KDM3A: variants seen among roughly 807,000 people sequenced by gnomAD.
KDM3A encodes lysine-specific demethylase 3A.
Under a neutral mutation model 158.0 loss-of-function variants are expected in KDM3A, and 60 were observed. The ratio of observed to expected loss-of-function variants is 0.38; its 90% confidence interval spans 0.31 to 0.47. KDM3A has a LOEUF of 0.47. KDM3A is among the 20% of genes least tolerant of loss of function. The probability of loss-of-function intolerance (pLI) is 0.99; values close to 1 mark genes in which losing one functional copy is unlikely to be tolerated. For missense variants in KDM3A, 1,319 were observed against 1,574.3 expected (o/e 0.84, Z 2.74); for synonymous variants, 608 against 549.3 (o/e 1.11, Z -1.49).
rs1276814740 is a variant in KDM3A, at chr2:86,480,167, ACTT to A, written c.2321_2323del (p.Ser774del). 1 of 1,611,362 alleles carries A rather than the reference ACTT, an allele frequency of 6.2e-7. No homozygotes were observed. Among genetic ancestry groups the A allele is most frequent in the African/African-American group, 1.3e-5 (1 of 74,852 alleles). On this transcript the variant is annotated inframe_deletion and splice_region_variant, in exon 16 of 26. Coordinates refer to ENST00000312912, the MANE Select transcript of KDM3A (RefSeq NM_018433.6). ...AATCGTCCTTTAATGCTTAACACAGACTTCTTTAGCTGGAGAAAAACCGACTCT... is the reference window on the plus strand; with the variant it reads ...AATCGTCCTTTAATGCTTAACACAGACTTTAGCTGGAGAAAAACCGACTCT...
intron 15 of KDM3A, 168 bp from the exon 16 acceptor site, chr2:86,479,999 C>G: frequency 3.3e-6 from 2 of 611,934 alleles, no homozygotes; most frequent in Admixed American, 2.9e-5. Context: ...TAGTTATTCT[C>G]TACTAGTGCG....
At chr2:86,441,102 G>C (rs1467112840), upstream of KDM3A, 7 of 152,238 alleles carry the variant, frequency 4.6e-5, no homozygotes. Flanking sequence ...GAAAGAATAG[G>C]CCTATGGCGG....
At chr2:86,457,827 G>A (rs1033715671) in intron 8 of KDM3A, among the ~76,000 whole-genome samples, 3 of 152,140 alleles carry the variant, frequency 2.0e-5, no homozygotes, top group Non-Finnish European at 4.4e-5. Context: ...ACTAATTTCT[G>A]TCCAGAAAAG....
chr2:86,482,909 G>A (rs1383272954), intron 18 of KDM3A: 4 of 543,208 alleles, frequency 7.4e-6, no homozygotes, highest in Admixed American at 3.5e-5. Context: ...TCAGGTTTTT[G>A]TTGCTTCCTA....
At chr2:86,458,233 T>G (rs1292134164) in intron 8 of KDM3A, among the ~76,000 whole-genome samples, 1 of 152,172 alleles carries the variant, frequency 6.6e-6, no homozygotes, top group Admixed American at 6.5e-5. Context: ...TGAGTCTGTG[T>G]AGCTAGGATG....
At chr2:86,475,393 C>T (rs1045061162) in intron 12 of KDM3A, among the ~76,000 whole-genome samples, 11 of 152,200 alleles carry the variant, frequency 7.2e-5, no homozygotes, top group Non-Finnish European at 1.3e-4. Flanking sequence ...TTAGAGTCTG[C>T]AGGGCTGGGT....
intron 3 of KDM3A, among the ~76,000 whole-genome samples, chr2:86,450,210 A>G (rs1432701642): frequency 2.6e-5 from 4 of 152,224 alleles, no homozygotes; most frequent in South Asian, 4.1e-4. Flanking sequence ...TAGCAGTCAT[A>G]TGCAAACATA....
chr2:86,451,260 TC>T (rs1355942238), intron 4 of KDM3A, 47 bp downstream of exon 4: 1 of 1,224,670 alleles, frequency 8.2e-7, no homozygotes, highest in African/African-American at 1.5e-5. Context: ...AAATACGAAC[TC>T]CTTTAACATG....
At chr2:86,441,733 C>T (rs1201921625) in intron 1 of KDM3A, among the ~76,000 whole-genome samples, 4 of 151,068 alleles carry the variant, frequency 2.6e-5, no homozygotes, top group Admixed American at 2.0e-4. Context: ...CTTTCAAATC[C>T]ACTCGAGCCG....
chr2:86,489,327 C>T lies in KDM3A; in HGVS notation c.3323C>T (p.Thr1108Ile). Residue 1108 changes from threonine to isoleucine, a missense_variant, in exon 22 of 26, where the codon ACT becomes ATT. Thr to Ile is a moderately conservative substitution (Grantham distance 89, BLOSUM62 -1). Around this residue, in one of 4 missense-constraint regions of KDM3A, gnomAD observed 186 missense variants for 340.9 expected, o/e 0.55. Transcript: ENST00000312912. ...PKMYNAYGLI[T>I]PEDRKYGTTN... ...CACTTTGTTTTTGCAGGATTAATCA[C>T]TCCTGAAGATCGGAAATATGGAACA... The T allele has an allele frequency of 6.2e-7, 1 of 1,613,640 alleles. No individual in the cohort carries two copies. Among genetic ancestry groups the T allele is most frequent in the Non-Finnish European group, 8.5e-7 (1 of 1,179,746 alleles).
At chr2:86,468,712 C>T (rs1295660995) in intron 10 of KDM3A, among the ~76,000 whole-genome samples, 1 of 152,106 alleles carries the variant, frequency 6.6e-6, no homozygotes, top group Admixed American at 6.6e-5. Context: ...CTGCTCCTTT[C>T]TTCCACTTGG....
At chr2:86,446,715 A>G (rs1682971581) in intron 2 of KDM3A, among the ~76,000 whole-genome samples, 1 of 152,234 alleles carries the variant, frequency 6.6e-6, no homozygotes, top group South Asian at 2.1e-4. Flanking sequence ...GTCTCAAAAA[A>G]TAAAATAAGT....
At chr2:86,455,635 G>A (rs1233704479) in intron 5 of KDM3A, among the ~76,000 whole-genome samples, 3 of 151,940 alleles carry the variant, frequency 2.0e-5, no homozygotes, top group South Asian at 2.1e-4. Context: ...GAAAGTTCAG[G>A]GATTATATGA....
intron 8 of KDM3A, among the ~76,000 whole-genome samples, chr2:86,460,367 C>T (rs901895410): frequency 1.1e-4 from 16 of 152,060 alleles, no homozygotes; most frequent in Non-Finnish European, 8.8e-5. Context: ...GATACACTGG[C>T]CTGGCCTAGA....
chr2:86,440,855 G>C (rs1288411977), upstream of KDM3A: 1 of 152,288 alleles, frequency 6.6e-6, no homozygotes, highest in Non-Finnish European at 1.5e-5. Context: ...TCTCTTCCCT[G>C]CCCTCCCCCG....
chr2:86,451,608 C>T (rs1672474755), intron 4 of KDM3A, among the ~76,000 whole-genome samples: 1 of 152,104 alleles, frequency 6.6e-6, no homozygotes, highest in Admixed American at 6.6e-5. Context: ...TCTCGGGTGA[C>T]AGAGGTGGAA....
chr2:86,470,247 A>G lies in KDM3A; in HGVS notation c.1563A>G (p.Lys521=), dbSNP rs1673340433. The change falls in exon 11 of 26, where the codon AAA becomes AAG. Residue 521 remains lysine (K), a synonymous_variant. Coordinates refer to ENST00000312912, the MANE Select transcript of KDM3A (RefSeq NM_018433.6). ...KSVLTDPAKL[K]KLQQSGEAFV... ...TTTTGACAGACCCAGCTAAACTCAA[A>G]AAGCTGCAACAGAGTGGCGAGGCCT... The G allele has an allele frequency of 6.2e-7, 1 of 1,614,152 alleles. No homozygotes were observed. Among genetic ancestry groups the G allele is most frequent in the African/African-American group, 1.3e-5 (1 of 75,046 alleles).
intron 11 of KDM3A, among the ~76,000 whole-genome samples, chr2:86,474,554 G>A (rs1315477591): frequency 2.6e-5 from 4 of 151,630 alleles, no homozygotes; most frequent in Admixed American, 6.6e-5. Context: ...TCCCAGCTAC[G>A]GGGGAAGCTG....
chr2:86,449,873 A>AGG lies in KDM3A; in HGVS notation c.254_255dup (p.Arg86GlyfsTer5). 1.9e-6 allele frequency: 3 copies of AGG among 1,613,840 alleles called. No homozygotes were observed. The highest frequency in any genetic ancestry group is 2.5e-6 in the Non-Finnish European group (3 of 1,179,820). ...ATGGATAGAAGTCTACAGCCTTCTA[A>AGG]GGAGAGCATTTTTAGTAGAACATAA... On this transcript the variant is annotated frameshift_variant, in exon 3 of 26. Transcript: ENST00000312912. LOFTEE classifies it high-confidence loss of function.
Sources: gnomAD v4.1 joint callset for allele counts (sites outside exome capture counted in the v4.1 genomes callset) on GRCh38, gnomAD v4.1.1 for gene constraint, gnomAD v4.1.1 regional missense constraint, MANE v1.5 for transcripts, NCBI Gene and HGNC (gene_info 2026-07-23, HGNC 2026-07-21) for gene names.